Variants in ARHGAP26 observed in about 807,000 individuals in gnomAD.
ARHGAP26 encodes rho GTPase-activating protein 26.
ARHGAP26 carries 38 observed loss-of-function variants against 104.8 expected under a neutral mutation model. The observed-to-expected ratio is 0.36, with a 90% confidence interval of 0.28 to 0.48. ARHGAP26 has a LOEUF of 0.48. Among genes scored for constraint, ARHGAP26 ranks in the 20% least tolerant of loss-of-function variants. The pLI is 0.99. For synonymous variants in ARHGAP26, 341 were observed against 340.0 expected, an observed-to-expected ratio of 1.00 and a Z score of -0.03; for missense variants, 704 against 947.9, an observed-to-expected ratio of 0.74 and a Z score of 3.38.
chr5:143,214,117 TGGGCGGG>T, intron 22 of ARHGAP26, 29 bp downstream of exon 22: 1 of 312,144 alleles, frequency 3.2e-6, no homozygotes, highest in South Asian at 2.5e-5. Flanking sequence ...CACAAAGATA[TGGGCGGG>T]GGGCGGGGGC....
Position 142,794,936 on chromosome 5 carries a change from C to G in ARHGAP26, c.154+24021C>G, listed in dbSNP as rs576509473. Reference sequence around the variant, plus strand: ...GAGCTTGTTGTGAATCTGTTGATGTCTCGTATAATGGATTAGACTACAAAG... The same window carrying G: ...GAGCTTGTTGTGAATCTGTTGATGTGTCGTATAATGGATTAGACTACAAAG... On this transcript the variant is annotated intron_variant, in intron 1 of 22. Coordinates refer to ENST00000645722, the MANE Select transcript of ARHGAP26 (RefSeq NM_001135608.3). Among the ~76,000 whole-genome samples the G allele has an allele frequency of 1.6e-3, 241 of 152,160 alleles. 1 individual carries two copies. The highest frequency in any genetic ancestry group is 5.4e-3 in the African/African-American group (226 of 41,526).
intron 7 of ARHGAP26, among the ~76,000 whole-genome samples, chr5:142,902,698 C>T (rs1760535172): frequency 6.6e-6 from 1 of 152,202 alleles, no homozygotes; most frequent in South Asian, 2.1e-4. Context: ...GTGGGTTGTA[C>T]TGCATGGGTT....
In ARHGAP26 at chr5:143,086,996, G is replaced by A. The variant is rs3776318; in HGVS notation, c.1538+29249G>A. Among the ~76,000 whole-genome samples, 1,256 of 152,284 alleles carry A rather than the reference G, an allele frequency of 8.2e-3. 10 individuals are homozygous for A. The highest frequency in any genetic ancestry group is 0.062 in the East Asian group (321 of 5,186). Reference sequence around the variant, plus strand: ...CGCAATTCAGTCTGCTGAGTTTTACGAGCTTGCTAGATCATGTTCCAAAAA... The same window carrying A: ...CGCAATTCAGTCTGCTGAGTTTTACAAGCTTGCTAGATCATGTTCCAAAAA... On this transcript the variant is annotated intron_variant, in intron 17 of 22. Transcript: ENST00000645722.
At chr5:143,125,267 C>T (rs1796597996) in intron 18 of ARHGAP26, among the ~76,000 whole-genome samples, 1 of 152,160 alleles carries the variant, frequency 6.6e-6, no homozygotes, top group Admixed American at 6.5e-5. Context: ...CAAGGGTTAA[C>T]ATTAGACATT....
intron 17 of ARHGAP26, among the ~76,000 whole-genome samples, chr5:143,076,790 A>G (rs1007144862): frequency 5.3e-5 from 8 of 152,282 alleles, no homozygotes; most frequent in East Asian, 1.9e-4. Flanking sequence ...TTTTCATTCA[A>G]TTTTATTTTT....
At chr5:143,205,170 C>A (rs565347390) in intron 20 of ARHGAP26, among the ~76,000 whole-genome samples, 7 of 152,248 alleles carry the variant, frequency 4.6e-5, no homozygotes, top group African/African-American at 1.7e-4. Flanking sequence ...TAGCCCTCAA[C>A]TGATGGATCT....
At chr5:142,957,512 C>T (rs901997962) in intron 11 of ARHGAP26, among the ~76,000 whole-genome samples, 1 of 152,138 alleles carries the variant, frequency 6.6e-6, no homozygotes, top group Middle Eastern at 3.2e-3. Flanking sequence ...CGTCTTTGTA[C>T]CATTGGTAAT....
At chr5:142,772,400 G>A (rs1755395447) in intron 1 of ARHGAP26, among the ~76,000 whole-genome samples, 1 of 152,176 alleles carries the variant, frequency 6.6e-6, no homozygotes, top group African/African-American at 2.4e-5. Flanking sequence ...TAAGTTAGGG[G>A]CCCACTTACA....
At chr5:143,176,595 T>A (rs1803508664) in intron 20 of ARHGAP26, among the ~76,000 whole-genome samples, 1 of 152,202 alleles carries the variant, frequency 6.6e-6, no homozygotes. Flanking sequence ...AATGAGAAAT[T>A]AATTTACCTT....
chr5:142,865,478 G>GTTTT (rs35950662), intron 1 of ARHGAP26, among the ~76,000 whole-genome samples: 11 of 117,224 alleles, frequency 9.4e-5, no homozygotes, highest in South Asian at 2.9e-4. Context: ...ACACGGAGAA[G>GTTTT]TTTTTTTTTT....
chr5:143,041,975 C>G lies in ARHGAP26; in HGVS notation c.1285+85C>G, dbSNP rs1598763881. 18 of 1,199,132 alleles carry G rather than the reference C, an allele frequency of 1.5e-5. No individual in the cohort carries two copies. The East Asian group carries it at 4.6e-4, about 30-fold the overall frequency. The allele number at this position is 1,199,132 out of a possible 1,614,324, so 74.3% of individuals were successfully genotyped here. ...TCACCAGGTCTGTGAGTAGATACAG[C>G]CTGTGGCAAAGGAATCGGGGTGTCC... is the stretch of plus-strand genomic sequence containing the variant. On this transcript the variant is annotated intron_variant, in intron 14 of 22. Transcript: ENST00000645722.
In ARHGAP26 at chr5:143,223,844, A is replaced by C; in HGVS notation, c.*1398A>C. On this transcript the variant is annotated 3_prime_UTR_variant, in exon 23 of 23. Transcript: ENST00000645722. ...GAAAAGAGGCTGGATCTTGTGGAAG[A>C]CTGTCTTGGATGGGGAAGTACTACC... 2 of 232,134 alleles carry C rather than the reference A, an allele frequency of 8.6e-6. No homozygotes were observed. The highest frequency in any genetic ancestry group is 6.1e-5 in the East Asian group (1 of 16,348). The allele number at this position is 232,134 out of a possible 1,614,324, so 14.4% of individuals were successfully genotyped here. A position where few individuals can be genotyped will look rare whatever the true frequency, so the allele number is the denominator to read the frequency against.
intron 10 of ARHGAP26, 144 bp downstream of exon 10, chr5:142,913,437 C>A: frequency 1.2e-5 from 8 of 683,926 alleles, no homozygotes; most frequent in Non-Finnish European, 1.3e-5. Flanking sequence ...TCCTTCCTTT[C>A]CTTCTCCATC....
intron 11 of ARHGAP26, among the ~76,000 whole-genome samples, chr5:142,988,904 C>G (rs1011347725): frequency 2.7e-4 from 41 of 152,190 alleles, no homozygotes; most frequent in Non-Finnish European, 5.3e-4. Flanking sequence ...GAGTGCTTTA[C>G]TTCCAACTAT....
At chr5:143,180,503 G>T (rs537391111) in intron 20 of ARHGAP26, among the ~76,000 whole-genome samples, 1 of 152,276 alleles carries the variant, frequency 6.6e-6, no homozygotes, top group African/African-American at 2.4e-5. Flanking sequence ...TTTTGTCACT[G>T]CTATAAAGAA....
intron 17 of ARHGAP26, among the ~76,000 whole-genome samples, chr5:143,067,734 T>C (rs1787705905): frequency 6.6e-6 from 1 of 152,226 alleles, no homozygotes; most frequent in South Asian, 2.1e-4. Context: ...ATGCCTAGAA[T>C]TGGGTAGAAT....
intron 1 of ARHGAP26, among the ~76,000 whole-genome samples, chr5:142,830,787 C>T (rs1179224838): frequency 2.0e-5 from 3 of 152,210 alleles, no homozygotes; most frequent in Admixed American, 6.5e-5. Context: ...AATACTTTGG[C>T]CATTGTGATT....
chr5:143,063,829 G>A (rs1787095159), intron 17 of ARHGAP26, among the ~76,000 whole-genome samples: 1 of 152,166 alleles, frequency 6.6e-6, no homozygotes, highest in African/African-American at 2.4e-5. Flanking sequence ...TTGCTTTCCT[G>A]AGCTCCCACA....
intron 1 of ARHGAP26, among the ~76,000 whole-genome samples, chr5:142,802,577 C>G (rs991659756): frequency 6.6e-6 from 1 of 152,082 alleles, no homozygotes; most frequent in Admixed American, 6.6e-5. Context: ...AAGAACCTAT[C>G]GACGATGTTA....
Sources: gnomAD v4.1 joint callset for allele counts (sites outside exome capture counted in the v4.1 genomes callset) on GRCh38, gnomAD v4.1.1 for gene constraint, MANE v1.5 for transcripts, NCBI Gene and HGNC (gene_info 2026-07-23, HGNC 2026-07-21) for gene names.